Variants in NBAS observed in about 807,000 individuals in gnomAD.
NBAS encodes NBAS subunit of NRZ tethering complex.
In NBAS, 219 loss-of-function variants were observed where a neutral mutation model predicts 302.5. That is an observed-to-expected ratio of 0.72 (90% CI 0.65 to 0.81). The LOEUF is 0.81. NBAS is among the 30% of genes least tolerant of loss of function. The probability of loss-of-function intolerance (pLI) is 0.00; values close to 1 mark genes in which losing one functional copy is unlikely to be tolerated. For missense variants in NBAS, 2,932 were observed against 2,841.6 expected (o/e 1.03, Z -0.72); for synonymous variants, 1,118 against 1,021.6 (o/e 1.09, Z -1.80).
chr2:14,927,634 A>G, the NBAS span, among the ~76,000 whole-genome samples: 14 of 152,174 alleles, frequency 9.2e-5, no homozygotes, highest in Admixed American at 2.0e-4. Flanking sequence ...GAGGAATCAC[A>G]CAACATTTTC....
chr2:14,999,595 C>T, the NBAS span, among the ~76,000 whole-genome samples: 1 of 152,122 alleles, frequency 6.6e-6, no homozygotes, highest in African/African-American at 2.4e-5. Flanking sequence ...GGAAGACATG[C>T]TTGCTTCCTC....
Position 15,475,815 on chromosome 2 carries a change from G to C in NBAS, c.1213C>G (p.Arg405Gly), listed in dbSNP as rs376113678. Reference sequence around the variant, plus strand: ...GAAACAGTTAAAGCACCAGAGCATCGAGCTAAAGTCACTGCACTGTCTGCC... The same window carrying C: ...GAAACAGTTAAAGCACCAGAGCATCCAGCTAAAGTCACTGCACTGTCTGCC... Reference protein sequence around the residue: ...WWADSAVTLARCSGALTVSSV... With the variant: ...WWADSAVTLAGCSGALTVSSV... Residue 405 changes from arginine to glycine, a missense_variant, in exon 14 of 52, where the codon CGA becomes GGA. By Grantham distance (125) the Arg-to-Gly change is moderately radical (BLOSUM62 -2). Coordinates refer to ENST00000281513, the MANE Select transcript of NBAS (RefSeq NM_015909.4). 6.2e-7 allele frequency: 1 copy of C among 1,613,904 alleles called. No homozygotes were observed. The highest frequency in any genetic ancestry group is 1.7e-5 in the Admixed American group (1 of 60,004).
At chr2:15,139,305 T>C in the NBAS span, among the ~76,000 whole-genome samples, 1 of 152,182 alleles carries the variant, frequency 6.6e-6, no homozygotes, top group Non-Finnish European at 1.5e-5. Flanking sequence ...AGAGAAATCA[T>C]GGGGAATAGA....
the NBAS span, among the ~76,000 whole-genome samples, chr2:15,011,366 A>C: frequency 3.9e-5 from 6 of 152,110 alleles, no homozygotes. Flanking sequence ...TGCTAAGTAC[A>C]TGCAAAATTT....
the NBAS span, among the ~76,000 whole-genome samples, chr2:14,914,412 A>T: frequency 6.6e-6 from 1 of 152,220 alleles, no homozygotes; most frequent in East Asian, 1.9e-4. Flanking sequence ...GTTTCATAAT[A>T]TCAAGAGAAT....
At chr2:15,111,426 G>A in the NBAS span, among the ~76,000 whole-genome samples, 2 of 152,160 alleles carry the variant, frequency 1.3e-5, no homozygotes, top group Non-Finnish European at 2.9e-5. Context: ...TGTGCAGAGG[G>A]AGCAGGTGGA....
chr2:15,415,703 T>C lies in NBAS; in HGVS notation c.2780A>G (p.Tyr927Cys). 2 of 1,614,170 alleles carry C rather than the reference T, an allele frequency of 1.2e-6. No homozygotes were observed. The highest frequency in any genetic ancestry group is 3.3e-5 in the Admixed American group (2 of 60,034). ...LLMNSCSEDK[Y>C]VTSAYQWMVP... ...CATCCACTGGTAGGCACTTGTCACATATTTATCCTCAGAACACTGAAAGTA... is the reference window on the plus strand; with the variant it reads ...CATCCACTGGTAGGCACTTGTCACACATTTATCCTCAGAACACTGAAAGTA... The change falls in exon 25 of 52, where the codon TAT becomes TGT. Residue 927 changes from tyrosine (Y) to cysteine (C), a missense_variant. Transcript: ENST00000281513.
chr2:15,132,766 A>G, the NBAS span, among the ~76,000 whole-genome samples: 47 of 152,256 alleles, frequency 3.1e-4, no homozygotes, highest in Admixed American at 1.7e-3. Flanking sequence ...TATTTTTAAA[A>G]GTCAGCAACT....
chr2:15,246,395 C>T (rs1668096150), intron 44 of NBAS, among the ~76,000 whole-genome samples: 1 of 152,192 alleles, frequency 6.6e-6, no homozygotes, highest in African/African-American at 2.4e-5. Flanking sequence ...CTCTGTATCC[C>T]TAGACCTAAC....
chr2:15,329,701 GT>G (rs1157722527), intron 36 of NBAS, among the ~76,000 whole-genome samples: 1 of 152,106 alleles, frequency 6.6e-6, no homozygotes, highest in Non-Finnish European at 1.5e-5. Context: ...CCCCTTTTAT[GT>G]TCTGTGCAGA....
At chr2:15,236,379 C>T (rs1320453792) in intron 45 of NBAS, among the ~76,000 whole-genome samples, 1 of 151,358 alleles carries the variant, frequency 6.6e-6, no homozygotes, top group Non-Finnish European at 1.5e-5. Flanking sequence ...GAAACTCTGT[C>T]CCTACAAAAA....
intron 9 of NBAS, among the ~76,000 whole-genome samples, chr2:15,526,995 T>C (rs1357577787): frequency 6.6e-6 from 1 of 152,110 alleles, no homozygotes; most frequent in Non-Finnish European, 1.5e-5. Flanking sequence ...ATATTGACTT[T>C]TGTAACAAAT....
At chr2:15,190,971 C>T (rs1558423629) in intron 48 of NBAS, among the ~76,000 whole-genome samples, 1 of 152,126 alleles carries the variant, frequency 6.6e-6, no homozygotes, top group Non-Finnish European at 1.5e-5. Flanking sequence ...ACAAAACACC[C>T]ATTTTTCCTT....
chr2:15,037,330 C>T, the NBAS span, among the ~76,000 whole-genome samples: 1 of 152,028 alleles, frequency 6.6e-6, no homozygotes, highest in Non-Finnish European at 1.5e-5. Flanking sequence ...CTGGAAACTC[C>T]CCATCACATC....
At chr2:14,905,351 C>T in the NBAS span, among the ~76,000 whole-genome samples, 1 of 152,262 alleles carries the variant, frequency 6.6e-6, no homozygotes, top group Non-Finnish European at 1.5e-5. Context: ...AATGGATGAA[C>T]GAACTAACTG....
chr2:15,079,732 C>T, the NBAS span, among the ~76,000 whole-genome samples: 8 of 152,114 alleles, frequency 5.3e-5, no homozygotes, highest in Non-Finnish European at 4.4e-5. Context: ...TTCTGCAGCC[C>T]GTGGATTGGT....
chr2:15,307,087 C>T (rs13402338), intron 40 of NBAS, among the ~76,000 whole-genome samples: 1 of 152,204 alleles, frequency 6.6e-6, no homozygotes, highest in Non-Finnish European at 1.5e-5. Context: ...GAAGCTATGG[C>T]TGTGACAGGT....
chr2:14,916,386 T>A, the NBAS span, among the ~76,000 whole-genome samples: 2 of 152,206 alleles, frequency 1.3e-5, no homozygotes, highest in Admixed American at 6.5e-5. Flanking sequence ...ATTCTGTGAA[T>A]TTTTTAAGGC....
At chr2:14,793,687 A>T in the NBAS span, among the ~76,000 whole-genome samples, 1 of 152,194 alleles carries the variant, frequency 6.6e-6, no homozygotes, top group Non-Finnish European at 1.5e-5. Flanking sequence ...CAAATTTGGT[A>T]AAGTCATACT....
Sources: gnomAD v4.1 joint callset for allele counts (sites outside exome capture counted in the v4.1 genomes callset) on GRCh38, gnomAD v4.1.1 for gene constraint, MANE v1.5 for transcripts, NCBI Gene and HGNC (gene_info 2026-07-23, HGNC 2026-07-21) for gene names.